The following BIRC6 variants were observed in gnomAD, a reference collection of about 807,000 sequenced individuals.
The protein encoded by BIRC6 is dual E2 ubiquitin-conjugating enzyme/E3 ubiquitin-protein ligase BIRC6.
BIRC6 carries 98 observed loss-of-function variants against 503.3 expected under a neutral mutation model. That is an observed-to-expected ratio of 0.19 (90% confidence interval 0.17 to 0.23). BIRC6 has a LOEUF of 0.23. BIRC6 is among the 10% of genes least tolerant of loss of function. BIRC6 has a pLI of 1.00. For synonymous variants in BIRC6, 2,240 were observed against 2,078.7 expected, an observed-to-expected ratio of 1.08 and a Z score of -2.11; for missense variants, 5,360 against 5,806.0, an observed-to-expected ratio of 0.92 and a Z score of 2.50.
intron 72 of BIRC6, among the ~76,000 whole-genome samples, chr2:32,608,356 A>C: frequency 6.6e-6 from 1 of 151,944 alleles, no homozygotes; most frequent in East Asian, 1.9e-4. Flanking sequence ...ACATCTGACT[A>C]AATTTTTGAG....
chr2:32,442,014 T>A, intron 17 of BIRC6, 51 bp from the exon 18 acceptor site: 1 of 1,338,962 alleles, frequency 7.5e-7, no homozygotes, highest in Non-Finnish European at 9.9e-7. Context: ...TGTGATAGCT[T>A]TAGTTGTTCT....
rs961717266 is a variant in BIRC6, at chr2:32,405,324, G to A, written c.1419-1175G>A. 2.6e-5 allele frequency among the ~76,000 whole-genome samples: 4 copies of A among 151,994 alleles called. No homozygotes were observed. In the South Asian group the frequency reaches 6.2e-4, roughly 24 times the overall value. On this transcript the variant is annotated intron_variant, in intron 8 of 73. Coordinates refer to ENST00000421745, the MANE Select transcript of BIRC6 (RefSeq NM_016252.4). ...AACTTTTTTTGCATTTTTTGCTTTT[G>A]TAAATTACAGCATTAAATTGGTTTA...
rs1052399921 is a variant in BIRC6, at chr2:32,485,690, A to G, written c.7744A>G (p.Met2582Val). ...EVGLEQQAEL[M>V]LKMMSTLEAD... ...TGGACTTGAACAGCAAGCAGAACTG[A>G]TGTTGAAAATGATGTCTACTCTGGA... Residue 2582 changes from methionine (M) to valine (V), a missense_variant, in exon 40 of 74, where the codon ATG (methionine) becomes GTG (valine). Physicochemically the swap from Met to Val is conservative, Grantham distance 21. Around this residue, in one of 16 missense-constraint regions of BIRC6, gnomAD observed 2,299 missense variants for 2,267.2 expected, o/e 1.01. Coordinates refer to ENST00000421745, the MANE Select transcript of BIRC6 (RefSeq NM_016252.4). 41 of 1,613,678 alleles carry G rather than the reference A, an allele frequency of 2.5e-5. No individual in the cohort carries two copies. The highest frequency in any genetic ancestry group is 3.5e-5 in the Non-Finnish European group (41 of 1,179,742).
At chr2:32,468,869 T>G (rs1427744698) in intron 29 of BIRC6, 86 bp downstream of exon 29, 2 of 1,063,372 alleles carry the variant, frequency 1.9e-6, no homozygotes, top group Non-Finnish European at 2.6e-6. Flanking sequence ...GTCAATATTT[T>G]CTATTGTAAA....
At chr2:32,582,067 C>CA (rs771031087) in intron 66 of BIRC6, among the ~76,000 whole-genome samples, 4 of 152,116 alleles carry the variant, frequency 2.6e-5, no homozygotes, top group Non-Finnish European at 5.9e-5. Flanking sequence ...CCGTGTTGGC[C>CA]AAGCTGGTCT....
At chr2:32,568,502 A>G (rs1307978214) in intron 65 of BIRC6, among the ~76,000 whole-genome samples, 3 of 151,000 alleles carry the variant, frequency 2.0e-5, no homozygotes, top group Non-Finnish European at 4.4e-5. Context: ...AAAAAAAAAA[A>G]AAAAAAGGAA....
intron 40 of BIRC6, among the ~76,000 whole-genome samples, chr2:32,486,362 T>G (rs765846966): frequency 1.5e-4 from 23 of 152,204 alleles, no homozygotes; most frequent in Non-Finnish European, 2.5e-4. Flanking sequence ...AGACAATATG[T>G]AAATGAATGG....
intron 68 of BIRC6, among the ~76,000 whole-genome samples, chr2:32,596,973 C>T (rs1408466941): frequency 2.0e-5 from 3 of 152,212 alleles, no homozygotes; most frequent in Admixed American, 2.0e-4. Context: ...GAAGAGTTCT[C>T]TCATACTACA....
chr2:32,542,354 T>C (rs1230373898), intron 61 of BIRC6, among the ~76,000 whole-genome samples: 1 of 152,122 alleles, frequency 6.6e-6, no homozygotes, highest in Non-Finnish European at 1.5e-5. Flanking sequence ...AAGGAAGTGC[T>C]CAAAGAACGA....
chr2:32,596,222 G>A (rs552243109), intron 68 of BIRC6, among the ~76,000 whole-genome samples: 4 of 151,928 alleles, frequency 2.6e-5, no homozygotes, highest in South Asian at 2.1e-4. Flanking sequence ...GGTGGCTCAC[G>A]CCTGTAATCC....
At chr2:32,362,811 A>G (rs1293424426) in intron 1 of BIRC6, among the ~76,000 whole-genome samples, 2 of 151,848 alleles carry the variant, frequency 1.3e-5, no homozygotes. Flanking sequence ...TTTTAAATTC[A>G]TCCCATTACA....
chr2:32,530,362 C>G (rs969821463), intron 60 of BIRC6, among the ~76,000 whole-genome samples: 1 of 152,062 alleles, frequency 6.6e-6, no homozygotes, highest in Non-Finnish European at 1.5e-5. Flanking sequence ...TGGCACCCAC[C>G]ACCATGCCTG....
intron 21 of BIRC6, among the ~76,000 whole-genome samples, chr2:32,448,521 C>T (rs2046334165): frequency 1.3e-5 from 2 of 152,212 alleles, no homozygotes; most frequent in South Asian, 2.1e-4. Flanking sequence ...CGTGGCGACG[C>T]GCGCCTGCAA....
rs368789528 is a variant in BIRC6, at chr2:32,524,975, C to T, written c.11711C>T (p.Ala3904Val). 135 of 1,564,822 alleles carry T rather than the reference C, an allele frequency of 8.6e-5. No homozygotes were observed. Among genetic ancestry groups the T allele is most frequent in the African/African-American group, 1.5e-4 (11 of 73,010 alleles). The part of the protein sequence containing the change: ...KNHEEKEKVK[A>V]ENGFQDNYSV... ...CATGAAGAGAAAGAAAAAGTTAAAG[C>T]GGAAAATGGATTTCAAGACAATTAC... The change falls in exon 58 of 74, where the codon GCG (alanine) becomes GTG (valine). Residue 3904 changes from alanine (A) to valine (V), a missense_variant. By Grantham distance (64) the Ala-to-Val change is moderately conservative (BLOSUM62 0). Coordinates refer to ENST00000421745, the MANE Select transcript of BIRC6 (RefSeq NM_016252.4).
At chr2:32,396,731 T>C (rs1461866006) in intron 6 of BIRC6, among the ~76,000 whole-genome samples, 3 of 152,146 alleles carry the variant, frequency 2.0e-5, no homozygotes, top group Non-Finnish European at 4.4e-5. Flanking sequence ...ATTGAACATT[T>C]TTTTTCCCTT....
intron 15 of BIRC6, 39 bp from the exon 16 acceptor site, chr2:32,439,469 T>C: frequency 1.3e-6 from 2 of 1,560,692 alleles, no homozygotes; most frequent in Non-Finnish European, 1.8e-6. Flanking sequence ...AATTTATTGG[T>C]GATTCAGTTA....
intron 20 of BIRC6, 42 bp downstream of exon 20, chr2:32,443,630 G>C (rs2045653333): frequency 7.2e-7 from 1 of 1,385,206 alleles, no homozygotes; most frequent in South Asian, 1.3e-5. Flanking sequence ...ATAGTCATAT[G>C]GAACATCTCA....
At chr2:32,417,834 C>T (rs992287075) in intron 10 of BIRC6, among the ~76,000 whole-genome samples, 5 of 152,090 alleles carry the variant, frequency 3.3e-5, no homozygotes, top group Non-Finnish European at 7.4e-5. Flanking sequence ...GGCTGGGGTG[C>T]AGTTACGCAA....
At chr2:32,509,429 A>G (rs1303202322) in intron 51 of BIRC6, among the ~76,000 whole-genome samples, 1 of 151,932 alleles carries the variant, frequency 6.6e-6, no homozygotes, top group African/African-American at 2.4e-5. Context: ...TAATCTTTGT[A>G]TTTTTAGTAG....
Sources: allele counts gnomAD v4.1 joint callset (sites outside exome capture counted in the v4.1 genomes callset), GRCh38; gene constraint gnomAD v4.1.1; regional missense constraint gnomAD v4.1.1; transcripts MANE v1.5; gene names NCBI Gene and HGNC (gene_info 2026-07-23, HGNC 2026-07-21).